The following HEATR5A variants were observed in gnomAD, a reference collection of about 807,000 sequenced individuals.
HEATR5A encodes HEAT repeat-containing protein 5A.
A neutral mutation model predicts 218.8 loss-of-function variants in HEATR5A; 178 were observed. The ratio of observed to expected loss-of-function variants is 0.81; its 90% CI spans 0.72 to 0.92. The LOEUF is 0.92. Ranked by LOEUF, HEATR5A falls within the 40% of genes least tolerant of loss-of-function variation. The pLI is 0.00. For missense variants in HEATR5A, 2,420 were observed against 2,418.9 expected (o/e 1.00, Z -0.01); for synonymous variants, 864 against 871.6 (o/e 0.99, Z 0.15).
At chr14:31,393,588 C>T (rs183275936) in intron 6 of HEATR5A, among the ~76,000 whole-genome samples, 144 of 152,246 alleles carry the variant, frequency 9.5e-4, no homozygotes, top group Non-Finnish European at 5.4e-4. Flanking sequence ...TGTAAATTTT[C>T]CTCAAATTTT....
In HEATR5A at chr14:31,304,493, C is replaced by G. The variant is rs565428934; in HGVS notation, c.5239+412G>C. Among the ~76,000 whole-genome samples the G allele has an allele frequency of 5.9e-5, 9 of 152,266 alleles. No homozygotes were observed. In the South Asian group the frequency reaches 1.7e-3, roughly 28 times the overall value. On this transcript the variant is annotated intron_variant, in intron 32 of 35. Coordinates refer to ENST00000543095, the MANE Select transcript of HEATR5A (RefSeq NM_015473.4). ...AGTGCAATGGCGTGATCCTGGCTCA[C>G]TGCAACCTCCGCCTCCCGGGTTCAA...
At chr14:31,326,820 T>C (rs1900284161) in intron 22 of HEATR5A, among the ~76,000 whole-genome samples, 1 of 151,844 alleles carries the variant, frequency 6.6e-6, no homozygotes, top group African/African-American at 2.4e-5. Context: ...TTTTTTTTTA[T>C]TTTTAGTAGA....
intron 1 of HEATR5A, among the ~76,000 whole-genome samples, chr14:31,408,907 C>A (rs895268229): frequency 2.8e-5 from 3 of 107,196 alleles, no homozygotes; most frequent in Non-Finnish European, 5.8e-5. Context: ...CCGGCTAAAA[C>A]GGTGAAACCC....
chr14:31,394,357 G>A lies in HEATR5A; in HGVS notation c.598-131C>T. ...ATTCAAAGTATCTATTATGATTACA[G>A]GAATAATAAATGGATACTTATTAAA... On this transcript the variant is annotated intron_variant, in intron 5 of 35. Transcript: ENST00000543095. The A allele has an allele frequency of 2.3e-5, 11 of 485,382 alleles. No individual in the cohort carries two copies. In the South Asian group the frequency reaches 2.3e-4, roughly 10 times the overall value. 30.1% of individuals were successfully genotyped at this position (485,382 alleles called of 1,614,324 possible).
chr14:31,373,315 T>A (rs189382906), intron 12 of HEATR5A, among the ~76,000 whole-genome samples: 3 of 151,900 alleles, frequency 2.0e-5, no homozygotes, highest in Admixed American at 1.3e-4. Flanking sequence ...TCACCCTTCA[T>A]GGTGAAACAT....
At chr14:31,340,553 C>G in intron 21 of HEATR5A, 1 of 886,178 alleles carries the variant, frequency 1.1e-6, no homozygotes, top group Non-Finnish European at 1.6e-6. Context: ...CAACAGTCAG[C>G]TAAGCATTAA....
chr14:31,416,928 C>T (rs1475821724), intron 1 of HEATR5A, among the ~76,000 whole-genome samples: 2 of 152,020 alleles, frequency 1.3e-5, no homozygotes, highest in East Asian at 1.9e-4. Flanking sequence ...ATAGCAAAAC[C>T]GCCTCTCTAC....
At chr14:31,333,175 A>G (rs1900533206) in intron 22 of HEATR5A, among the ~76,000 whole-genome samples, 1 of 152,162 alleles carries the variant, frequency 6.6e-6, no homozygotes, top group Non-Finnish European at 1.5e-5. Context: ...TGCAAGATAA[A>G]GCAGCAAATC....
chr14:31,389,573 T>G (rs1256441346), intron 6 of HEATR5A, among the ~76,000 whole-genome samples: 2 of 152,176 alleles, frequency 1.3e-5, no homozygotes, highest in East Asian at 3.8e-4. Context: ...ACTAAGAGAT[T>G]AATTAAGGCA....
At chr14:31,351,508 G>GAAA (rs71430949) in intron 16 of HEATR5A, among the ~76,000 whole-genome samples, 2 of 129,322 alleles carry the variant, frequency 1.5e-5, no homozygotes, top group African/African-American at 2.9e-5. Flanking sequence ...AAGAAAGAAA[G>GAAA]AAAAAAAAAA....
intron 14 of HEATR5A, among the ~76,000 whole-genome samples, chr14:31,361,409 G>T (rs1361228453): frequency 6.6e-6 from 1 of 152,194 alleles, no homozygotes; most frequent in Non-Finnish European, 1.5e-5. Flanking sequence ...AAGTCATAAT[G>T]ACTGAGCAAA....
At position 31,350,734 on chromosome 14, in the gene HEATR5A, C is replaced by T. The variant is rs1901193726; in HGVS notation, c.2412-17G>A. The stretch of plus-strand genomic sequence containing the variant: ...ATAAGAAGCCTACAATCAGAAATAA[C>T]AGGATTTAAAAGCAAGTAGGTAAGT... On this transcript the variant is annotated splice_polypyrimidine_tract_variant and intron_variant, in intron 16 of 35. Coordinates refer to ENST00000543095, the MANE Select transcript of HEATR5A (RefSeq NM_015473.4). 3 of 1,362,530 alleles carry T rather than the reference C, an allele frequency of 2.2e-6. No homozygotes were observed. Among genetic ancestry groups the T allele is most frequent in the South Asian group, 2.5e-5 (2 of 78,826 alleles). 84.4% of individuals were successfully genotyped at this position (1,362,530 alleles called of 1,614,324 possible). A position where few individuals can be genotyped will look rare whatever the true frequency, so the allele number is the denominator to read the frequency against.
chr14:31,397,383 C>A (rs1319359387), intron 4 of HEATR5A, among the ~76,000 whole-genome samples: 2 of 151,750 alleles, frequency 1.3e-5, no homozygotes, highest in Admixed American at 1.3e-4. Flanking sequence ...TTGGGCCGGG[C>A]ATGGTGGCTC....
At position 31,364,003 on chromosome 14, in the gene HEATR5A, G is replaced by A. The variant is rs560783740; in HGVS notation, c.2071+186C>T. Among the ~76,000 whole-genome samples the A allele has an allele frequency of 3.3e-5, 5 of 152,090 alleles. No homozygotes were observed. In the East Asian group the frequency reaches 7.7e-4, roughly 24 times the overall value. On this transcript the variant is annotated intron_variant, in intron 14 of 35. Transcript: ENST00000543095. Reference sequence around the variant, plus strand: ...AAAATTAAAACAAAAACAAAACCCCGAATGTTTTTTTTACTATAAGATGGT... The same window carrying A: ...AAAATTAAAACAAAAACAAAACCCCAAATGTTTTTTTTACTATAAGATGGT...
chr14:31,347,905 A>C lies in HEATR5A; in HGVS notation c.2711T>G (p.Leu904Trp). The change falls in exon 19 of 36, where the codon TTG becomes TGG. Residue 904 changes from leucine to tryptophan, a missense_variant and splice_region_variant. Transcript: ENST00000543095. ...AGLAQVSFDK[L>W]KSARDVVTRT... ...GGTAACCACATCCCTTGCTGATTTC[A>C]ATCTGTAAATATAAAAATAAAAATA... is the stretch of plus-strand genomic sequence containing the variant. 1 of 1,484,806 alleles carries C rather than the reference A, an allele frequency of 6.7e-7. No homozygotes were observed. The highest frequency in any genetic ancestry group is 8.9e-7 in the Non-Finnish European group (1 of 1,117,900). 92.0% of individuals were successfully genotyped at this position (1,484,806 alleles called of 1,614,324 possible).
chr14:31,304,861 TTTCTC>T, intron 32 of HEATR5A, 39 bp downstream of exon 32: 1 of 1,589,268 alleles, frequency 6.3e-7, no homozygotes, highest in South Asian at 1.2e-5. Context: ...ATTAAAACCA[TTTCTC>T]TTCTAGGTCA....
chr14:31,344,171 C>T (rs1261031599), intron 20 of HEATR5A, 106 bp from the exon 21 acceptor site: 2 of 556,786 alleles, frequency 3.6e-6, no homozygotes, highest in Admixed American at 4.2e-5. Context: ...ACATATATTA[C>T]AGGTTTTAAA....
chr14:31,386,544 G>C lies in HEATR5A; in HGVS notation c.1221C>G (p.Thr407=). The C allele has an allele frequency of 6.3e-7, 1 of 1,598,024 alleles. No individual in the cohort carries two copies. Among genetic ancestry groups the C allele is most frequent in the Non-Finnish European group, 8.5e-7 (1 of 1,173,858 alleles). The change falls in exon 9 of 36, where the codon ACC becomes ACG. Residue 407 remains threonine (T), a synonymous_variant. Transcript: ENST00000543095. ...DAVMSDGNLE[T]RLGSTDVAAS... ...CGGCTACATCTGTGGAACCAAGCCG[G>C]GTTTCCAAATTACCATCACTCATTA... is the stretch of plus-strand genomic sequence containing the variant.
At chr14:31,312,414 C>CTTT (rs1252761450) in intron 28 of HEATR5A, among the ~76,000 whole-genome samples, 1 of 137,586 alleles carries the variant, frequency 7.3e-6, no homozygotes, top group Admixed American at 7.3e-5. Flanking sequence ...TGGGTGTGTC[C>CTTT]TTTTTTTTTT....
Sources: gnomAD v4.1 joint callset for allele counts (sites outside exome capture counted in the v4.1 genomes callset) on GRCh38, gnomAD v4.1.1 for gene constraint, MANE v1.5 for transcripts, NCBI Gene and HGNC (gene_info 2026-07-23, HGNC 2026-07-21) for gene names.